Variants in PCDHGA3 observed in about 807,000 individuals in gnomAD.
The protein encoded by PCDHGA3 is protocadherin gamma-A3.
In PCDHGA3, 40 loss-of-function variants were observed where a neutral mutation model predicts 58.5. That is an observed-to-expected ratio of 0.68 (90% CI 0.53 to 0.89). PCDHGA3 has a LOEUF of 0.89. Ranked by LOEUF, PCDHGA3 falls within the 40% of genes least tolerant of loss-of-function variation. PCDHGA3 has a pLI of 0.00. For synonymous variants in PCDHGA3, 530 were observed against 525.7 expected, an observed-to-expected ratio of 1.01 and a Z score of -0.11; for missense variants, 1,223 against 1,195.9, an observed-to-expected ratio of 1.02 and a Z score of -0.33.
Position 141,344,724 on chromosome 5 carries a change from A to G in PCDHGA3, c.691A>G (p.Ile231Val), listed in dbSNP as rs1245379588. 3 of 1,613,796 alleles carry G rather than the reference A, an allele frequency of 1.9e-6. No homozygotes were observed. The highest frequency in any genetic ancestry group is 2.5e-6 in the Non-Finnish European group (3 of 1,179,840). The change falls in exon 1 of 4, where the codon ATA becomes GTA. Residue 231 changes from isoleucine (I) to valine (V), a missense_variant. Transcript: ENST00000253812. ...VHSGNLHIQVIVLDANDNPPM... is the reference protein window; with the variant it reads ...VHSGNLHIQVVVLDANDNPPM... ...CTCTGGCAACTTGCACATCCAAGTG[A>G]TAGTCCTGGATGCAAATGACAACCC...
chr5:141,451,606 G>A (rs2098720118), intron 1 of PCDHGA3, among the ~76,000 whole-genome samples: 1 of 152,152 alleles, frequency 6.6e-6, no homozygotes, highest in Admixed American at 6.5e-5. Flanking sequence ...ACAAGGCTAG[G>A]CATGGTGGCT....
Position 141,432,806 on chromosome 5 carries a change from A to G in PCDHGA3, c.2425-62001A>G, listed in dbSNP as rs755248654. 12 of 1,614,070 alleles carry G rather than the reference A, an allele frequency of 7.4e-6. No individual in the cohort carries two copies. Among genetic ancestry groups the G allele is most frequent in the Non-Finnish European group, 9.3e-6 (11 of 1,179,972 alleles). On this transcript the variant is annotated intron_variant, in intron 1 of 3. Transcript: ENST00000253812. This position sits in a 1 kb window ranked among gnomAD's most constrained non-coding sequence, Gnocchi z 6.0. ...CCTCGGCAGCCTCGAGTCTCCAGCT[A>G]ACTCTGAAACCTCAGACCTCACTCT...
chr5:141,363,504 C>T (rs750214934), intron 1 of PCDHGA3, among the ~76,000 whole-genome samples: 3 of 152,206 alleles, frequency 2.0e-5, no homozygotes, highest in Non-Finnish European at 4.4e-5. Context: ...AAAACCCCAT[C>T]CTCCACAGTT....
chr5:141,467,371 A>G, intron 1 of PCDHGA3, among the ~76,000 whole-genome samples: 1 of 151,906 alleles, frequency 6.6e-6, no homozygotes, highest in Non-Finnish European at 1.5e-5. Context: ...GTTTTCTTAT[A>G]TTGCATTTAG....
In PCDHGA3 at chr5:141,491,091, A is replaced by T; in HGVS notation, c.2425-3716A>T. ...TGTTGCCACAGTCCACAGCCCCAGG[A>T]CTGTTCCTCGTGTCTACACACACTG... On this transcript the variant is annotated intron_variant, in intron 1 of 3. Transcript: ENST00000253812. This position sits in a 1 kb window ranked among gnomAD's most constrained non-coding sequence, Gnocchi z 6.9. The T allele has an allele frequency of 6.2e-7, 1 of 1,614,032 alleles. No individual in the cohort carries two copies. Among genetic ancestry groups the T allele is most frequent in the Non-Finnish European group, 8.5e-7 (1 of 1,180,000 alleles).
Position 141,406,737 on chromosome 5 carries a change from T to C in PCDHGA3, c.2424+60280T>C, listed in dbSNP as rs540886306. 1.1e-4 allele frequency among the ~76,000 whole-genome samples: 16 copies of C among 152,348 alleles called. No homozygotes were observed. The South Asian group carries it at 3.3e-3, about 32-fold the overall frequency. ...AAGAGAAGTTTCTAAGACTGGACAC[T>C]GTGAAATGACAAAACAAGGAATTAA... On this transcript the variant is annotated intron_variant, in intron 1 of 3. Coordinates refer to ENST00000253812, the MANE Select transcript of PCDHGA3 (RefSeq NM_018916.4).
chr5:141,490,945 C>T lies in PCDHGA3; in HGVS notation c.2425-3862C>T, dbSNP rs2099706308. On this transcript the variant is annotated intron_variant, in intron 1 of 3. Transcript: ENST00000253812. This position sits in a 1 kb window ranked among gnomAD's most constrained non-coding sequence, Gnocchi z 5.4. ...TGCCCCAGCTGTGCTGCACCCACGG[C>T]CAGACTGGGAACACTCAGCCCCCCA... The T allele has an allele frequency of 6.2e-7, 1 of 1,613,434 alleles. No homozygotes were observed. Among genetic ancestry groups the T allele is most frequent in the South Asian group, 1.1e-5 (1 of 91,010 alleles).
In PCDHGA3 at chr5:141,441,877, C is replaced by T. The variant is rs945298341; in HGVS notation, c.2425-52930C>T. ...GCTGCACGCCGCGGAGCCTGGCTACCTGGTCACCAAGGTGGTGGCTGTAGA... is the reference window on the plus strand; with the variant it reads ...GCTGCACGCCGCGGAGCCTGGCTACTTGGTCACCAAGGTGGTGGCTGTAGA... On this transcript the variant is annotated intron_variant, in intron 1 of 3. Transcript: ENST00000253812. 4 of 343,582 alleles carry T rather than the reference C, an allele frequency of 1.2e-5. No homozygotes were observed. In the Admixed American group the frequency reaches 1.6e-4, roughly 13 times the overall value. 21.3% of individuals were successfully genotyped at this position (343,582 alleles called of 1,614,324 possible).
chr5:141,428,029 C>T (rs775747505), intron 1 of PCDHGA3: 1 of 1,607,160 alleles, frequency 6.2e-7, no homozygotes, highest in Non-Finnish European at 8.5e-7. Flanking sequence ...GCCGCAGAGT[C>T]CGGCTACCTG....
rs758481930 is a variant in PCDHGA3, at chr5:141,357,482, C to G, written c.2424+11025C>G. 5 of 1,614,236 alleles carry G rather than the reference C, an allele frequency of 3.1e-6. No individual in the cohort carries two copies. The South Asian group carries it at 4.4e-5, about 14-fold the overall frequency. ...TATTCCCACGAGGTCTCCCTCACCG[C>G]GGACTCGCGGAAGAGTCACCTGATC... is the stretch of plus-strand genomic sequence containing the variant. On this transcript the variant is annotated intron_variant, in intron 1 of 3. Transcript: ENST00000253812.
chr5:141,388,676 G>C, intron 1 of PCDHGA3: 1 of 1,613,946 alleles, frequency 6.2e-7, no homozygotes, highest in Non-Finnish European at 8.5e-7. Context: ...TGCTACAGGT[G>C]ACTGCCACGG....
intron 1 of PCDHGA3, chr5:141,352,698 T>C: frequency 1.9e-6 from 3 of 1,551,870 alleles, no homozygotes; most frequent in Non-Finnish European, 2.6e-6. Context: ...AGTTAAATTT[T>C]ATATATGGCG....
At chr5:141,469,948 T>C (rs1258593339) in intron 1 of PCDHGA3, among the ~76,000 whole-genome samples, 2 of 152,110 alleles carry the variant, frequency 1.3e-5, no homozygotes, top group Admixed American at 1.3e-4. Flanking sequence ...CTGGCCAGCA[T>C]GGTGAAACCC....
chr5:141,361,794 C>T (rs1326854162), intron 1 of PCDHGA3: 1 of 1,613,214 alleles, frequency 6.2e-7, no homozygotes, highest in Non-Finnish European at 8.5e-7. Flanking sequence ...TGTTAGTGGG[C>T]GACCTCAATG....
rs778372966 is a variant in PCDHGA3, at chr5:141,477,105, A to G, written c.2425-17702A>G. The G allele has an allele frequency of 7.4e-6, 12 of 1,614,106 alleles. No individual in the cohort carries two copies. The highest frequency in any genetic ancestry group is 4.0e-5 in the African/African-American group (3 of 74,934). On this transcript the variant is annotated intron_variant, in intron 1 of 3. Transcript: ENST00000253812. This position sits in a 1 kb window ranked among gnomAD's most constrained non-coding sequence, Gnocchi z 4.9. ...ATCCAGGCCAAAGACAAGGGCGCCA[A>G]TCCCGAAGGAGCACATTGCAAAGTG...
chr5:141,485,714 G>A lies in PCDHGA3; in HGVS notation c.2425-9093G>A. 6.2e-7 allele frequency: 1 copy of A among 1,614,182 alleles called. No individual in the cohort carries two copies. The highest frequency in any genetic ancestry group is 8.5e-7 in the Non-Finnish European group (1 of 1,180,042). On this transcript the variant is annotated intron_variant, in intron 1 of 3. Transcript: ENST00000253812. This position sits in a 1 kb window ranked among gnomAD's most constrained non-coding sequence, Gnocchi z 5.7. ...GAGCTCCAATGAACACTTTGCACTG[G>A]ATGTGAAGAAGCGCAGCGACGGCAG...
intron 1 of PCDHGA3, chr5:141,402,898 T>C: frequency 6.6e-7 from 1 of 1,512,304 alleles, no homozygotes; most frequent in Non-Finnish European, 8.8e-7. Context: ...AGAAAGAACC[T>C]GATGAAGCAG....
chr5:141,427,892 C>G (rs752723370), intron 1 of PCDHGA3: 2 of 1,567,044 alleles, frequency 1.3e-6, no homozygotes, highest in African/African-American at 2.7e-5. Context: ...ACGACCAGGG[C>G]TCGCCCGCGC....
chr5:141,504,728 G>A (rs978910481), intron 2 of PCDHGA3, among the ~76,000 whole-genome samples: 5 of 151,522 alleles, frequency 3.3e-5, no homozygotes, highest in African/African-American at 9.7e-5. Context: ...TACTCTGAGG[G>A]CTTAGGAAGC....
Sources: allele counts gnomAD v4.1 joint callset (sites outside exome capture counted in the v4.1 genomes callset), GRCh38; gene constraint gnomAD v4.1.1; non-coding constraint Gnocchi (gnomAD v3.1); transcripts MANE v1.5; gene names NCBI Gene and HGNC (gene_info 2026-07-23, HGNC 2026-07-21).